The following FCMR variants were observed in gnomAD, a reference collection of about 807,000 sequenced individuals.
FCMR encodes the protein Fc mu receptor, also known as immunoglobulin mu Fc receptor.
Under a neutral mutation model 41.6 loss-of-function variants are expected in FCMR, and 34 were observed. The observed-to-expected ratio is 0.82, with a 90% CI of 0.62 to 1.09. FCMR has a LOEUF of 1.09. Among genes scored for constraint, FCMR ranks in the 50% least tolerant of loss-of-function variants. The pLI is 0.00. For missense variants in FCMR, 496 were observed against 512.5 expected, an observed-to-expected ratio of 0.97 and a Z score of 0.31; for synonymous variants, 209 against 211.8, an observed-to-expected ratio of 0.99 and a Z score of 0.12.
chr1:206,909,711 GCCC>G lies in FCMR; in HGVS notation c.985+11_985+13del. The G allele has an allele frequency of 7.1e-7, 1 of 1,417,574 alleles. No individual in the cohort carries two copies. The highest frequency in any genetic ancestry group is 9.1e-7 in the Non-Finnish European group (1 of 1,097,692). The allele number at this position is 1,417,574 out of a possible 1,614,324, so 87.8% of individuals were successfully genotyped here. A position where few individuals can be genotyped will look rare whatever the true frequency, so the allele number is the denominator to read the frequency against. On this transcript the variant is annotated intron_variant, in intron 6 of 7. Transcript: ENST00000367091. The surrounding 1 kb of genome is among the most constrained non-coding windows in gnomAD (Gnocchi z 5.0). ...CTCTTTCCGCTACTCCCCGTGGCCC[GCCC>G]GGCGGCTCACCTGCAGCGTCCGCTC...
At chr1:206,912,223 T>C (rs138862974) in intron 3 of FCMR, among the ~76,000 whole-genome samples, 7 of 152,272 alleles carry the variant, frequency 4.6e-5, no homozygotes, top group Non-Finnish European at 8.8e-5. Flanking sequence ...GGAAAACCTT[T>C]TTTGTAGTTC....
intron 7 of FCMR, chr1:206,907,699 A>T: frequency 1.2e-6 from 1 of 853,904 alleles, no homozygotes; most frequent in Non-Finnish European, 2.0e-6. Context: ...CTAACTAGGT[A>T]CTGCTGGGCT....
intron 1 of FCMR, among the ~76,000 whole-genome samples, chr1:206,915,464 C>A (rs753275516): frequency 2.0e-5 from 3 of 152,026 alleles, no homozygotes; most frequent in Non-Finnish European, 4.4e-5. Context: ...TAGGTGTGCA[C>A]ACACTGTATG....
Position 206,911,869 on chromosome 1 carries a change from A to T in FCMR, c.571T>A (p.Ser191Thr). 3 of 1,610,250 alleles carry T rather than the reference A, an allele frequency of 1.9e-6. No individual in the cohort carries two copies. Among genetic ancestry groups the T allele is most frequent in the Non-Finnish European group, 2.5e-6 (3 of 1,178,730 alleles). ...TCACCTGCTACTGAAGATGCTCTGG[A>T]CACTCGAGGGCGGTGGGTGATTTGG... is the stretch of plus-strand genomic sequence containing the variant. Reference protein sequence around the residue: ...TTQITHRPRVSRASSVAGDKP... With the variant: ...TTQITHRPRVTRASSVAGDKP... The change falls in exon 4 of 8, where the codon TCC becomes ACC. Residue 191 changes from serine to threonine, a missense_variant. Ser to Thr is a moderately conservative substitution (Grantham distance 58). Transcript: ENST00000367091.
chr1:206,909,095 C>T lies in FCMR; in HGVS notation c.1044+367G>A, dbSNP rs909578447. Among the ~76,000 whole-genome samples, 8 of 152,142 alleles carry T rather than the reference C, an allele frequency of 5.3e-5. No individual in the cohort carries two copies. Among genetic ancestry groups the T allele is most frequent in the African/African-American group, 1.9e-4 (8 of 41,428 alleles). ...GGAAGGTGAACTGTCTAGGTAGCTT[C>T]CACCTCCCTAGGACCCCCTAGAAAT... On this transcript the variant is annotated intron_variant, in intron 7 of 7. Transcript: ENST00000367091. The surrounding 1 kb of genome is among the most constrained non-coding windows in gnomAD (Gnocchi z 5.0).
intron 1 of FCMR, among the ~76,000 whole-genome samples, chr1:206,917,352 T>G (rs892337025): frequency 6.6e-6 from 1 of 152,196 alleles, no homozygotes; most frequent in African/African-American, 2.4e-5. Flanking sequence ...GCATGGATTT[T>G]TTTTTTGAAG....
intron 7 of FCMR, chr1:206,907,589 G>A: frequency 1.5e-6 from 1 of 669,134 alleles, no homozygotes; most frequent in Non-Finnish European, 2.8e-6. Context: ...ATTAAACAAG[G>A]GATTTTCTTT....
At position 206,911,821 on chromosome 1, in the gene FCMR, A is replaced by G. The variant is rs748297804; in HGVS notation, c.619T>C (p.Ser207Pro). ...GCTGAGATTTTTGAGGCTGTAGTGG[A>G]TGGCAGGAAGGTTCGGGGCTTGTCA... is the stretch of plus-strand genomic sequence containing the variant. ...AGDKPRTFLP[S>P]TTASKISALE... The change falls in exon 4 of 8, where the codon TCC becomes CCC. Residue 207 changes from serine (S) to proline (P), a missense_variant. Physicochemically the swap from Ser to Pro is moderately conservative, Grantham distance 74. Transcript: ENST00000367091. 1 of 1,612,240 alleles carries G rather than the reference A, an allele frequency of 6.2e-7. No individual in the cohort carries two copies. Among genetic ancestry groups the G allele is most frequent in the African/African-American group, 1.3e-5 (1 of 74,868 alleles).
At chr1:206,907,504 G>C (rs1678717797) in intron 7 of FCMR, 1 of 428,618 alleles carries the variant, frequency 2.3e-6, no homozygotes, top group African/African-American at 2.0e-5. Context: ...CCTTTATTTG[G>C]GGAGGGGGAA....
At position 206,904,375 on chromosome 1, in the gene FCMR, G is replaced by A. The variant is rs1332333254; in HGVS notation, c.*644C>T. The A allele has an allele frequency of 1.3e-5, 2 of 151,708 alleles. No individual in the cohort carries two copies. Among genetic ancestry groups the A allele is most frequent in the African/African-American group, 4.9e-5 (2 of 41,082 alleles). The allele number at this position is 151,708 out of a possible 1,614,324, so 9.4% of individuals were successfully genotyped here. ...CATCAAGTGATGGAGACAGAGTAAA[G>A]AGAATTTATGGATATATATGCATAT... is the stretch of plus-strand genomic sequence containing the variant. On this transcript the variant is annotated 3_prime_UTR_variant, in exon 8 of 8. Coordinates refer to ENST00000367091, the MANE Select transcript of FCMR (RefSeq NM_005449.5).
chr1:206,910,554 T>C (rs948034946), intron 4 of FCMR, among the ~76,000 whole-genome samples: 1 of 152,198 alleles, frequency 6.6e-6, no homozygotes, highest in Admixed American at 6.5e-5. Context: ...GGTTGTGTGA[T>C]CTCGAACGAG....
intron 2 of FCMR, among the ~76,000 whole-genome samples, chr1:206,913,477 G>A (rs1223996533): frequency 6.6e-6 from 1 of 152,138 alleles, no homozygotes; most frequent in Non-Finnish European, 1.5e-5. Flanking sequence ...CCATCTCAGA[G>A]CCTCTCCTCA....
At chr1:206,910,007 G>T in intron 5 of FCMR, 139 bp from the exon 6 acceptor site, 1 of 1,170,826 alleles carries the variant, frequency 8.5e-7, no homozygotes, top group Non-Finnish European at 1.1e-6. Flanking sequence ...GAATGTACGA[G>T]GCACGGCCTT....
upstream of FCMR, chr1:206,921,992 AG>A: frequency 1.4e-6 from 1 of 737,054 alleles, no homozygotes; most frequent in East Asian, 2.6e-5. Flanking sequence ...CTTGACGATG[AG>A]GAAATGACAA....
upstream of FCMR, among the ~76,000 whole-genome samples, chr1:206,922,664 A>G (rs1287645230): frequency 6.6e-6 from 1 of 152,232 alleles, no homozygotes; most frequent in African/African-American, 2.4e-5. Flanking sequence ...CACCAAGGCA[A>G]TGCCAGAACT....
rs1678761189 is a variant in FCMR at position 206,908,130 on chromosome 1, G to A, written c.1044+1332C>T. 8 of 1,303,534 alleles carry A rather than the reference G, an allele frequency of 6.1e-6. No individual in the cohort carries two copies. In the Admixed American group the frequency reaches 1.3e-4, roughly 21 times the overall value. 80.7% of individuals were successfully genotyped at this position (1,303,534 alleles called of 1,614,324 possible). On this transcript the variant is annotated intron_variant, in intron 7 of 7. Coordinates refer to ENST00000367091, the MANE Select transcript of FCMR (RefSeq NM_005449.5). Reference sequence around the variant, plus strand: ...AGGCCAAGTTCCACTACAGGAAGAAGAAACAGCTCATGAGGCTACGGAAAC... The same window carrying A: ...AGGCCAAGTTCCACTACAGGAAGAAAAAACAGCTCATGAGGCTACGGAAAC...
At chr1:206,916,177 G>A (rs1464282115) in intron 1 of FCMR, among the ~76,000 whole-genome samples, 1 of 152,184 alleles carries the variant, frequency 6.6e-6, no homozygotes, top group Non-Finnish European at 1.5e-5. Flanking sequence ...GAGTCATGAG[G>A]TAGCCTCACA....
upstream of FCMR, chr1:206,923,186 A>G (rs1474129983): frequency 6.6e-6 from 1 of 152,366 alleles, no homozygotes; most frequent in Non-Finnish European, 1.5e-5. Flanking sequence ...CCCGGGCTCC[A>G]CAGTGGTTGT....
At position 206,910,345 on chromosome 1, in the gene FCMR, G is replaced by A. The variant is rs1441132006; in HGVS notation, c.711-5C>T. 6.5e-6 allele frequency: 10 copies of A among 1,541,996 alleles called. No individual in the cohort carries two copies. Among genetic ancestry groups the A allele is most frequent in the Admixed American group, 2.0e-5 (1 of 49,116 alleles). ...TGTGAGCCATAGTCCAGTGCTCTGG[G>A]GAGGGAAGGAAAGGGAGAGAGGGAG... On this transcript the variant is annotated splice_polypyrimidine_tract_variant and splice_region_variant and intron_variant, in intron 4 of 7. Transcript: ENST00000367091.
Sources: gnomAD v4.1 joint callset for allele counts (sites outside exome capture counted in the v4.1 genomes callset) on GRCh38, gnomAD v4.1.1 for gene constraint, Gnocchi (gnomAD v3.1) non-coding constraint, MANE v1.5 for transcripts, NCBI Gene and HGNC (gene_info 2026-07-23, HGNC 2026-07-21) for gene names.